KMT2B: variants seen among roughly 807,000 people sequenced by gnomAD.
The protein encoded by KMT2B is lysine methyltransferase 2B, also known as histone-lysine N-methyltransferase 2B.
A neutral mutation model predicts 255.3 loss-of-function variants in KMT2B; 22 were observed. That is an observed-to-expected ratio of 0.09 (90% CI 0.06 to 0.12). The LOEUF is 0.12. Among genes scored for constraint, KMT2B ranks in the 10% least tolerant of loss-of-function variants. KMT2B has a pLI of 1.00. For missense variants in KMT2B, 3,149 were observed against 3,737.0 expected (o/e 0.84, Z 4.10); for synonymous variants, 1,730 against 1,498.1 (o/e 1.15, Z -3.57).
Position 35,721,104 on chromosome 19 carries a change from C to G in KMT2B, c.1757C>G (p.Ala586Gly). 1 of 1,610,616 alleles carries G rather than the reference C, an allele frequency of 6.2e-7. No individual in the cohort carries two copies. Among genetic ancestry groups the G allele is most frequent in the South Asian group, 1.1e-5 (1 of 90,402 alleles). ...GCACCAGTCCCCTCTCCACCACGTG[C>G]CCCAACTCCTCCATCTACCCCAGTT... ...EPAPVPSPPR[A>G]PTPPSTPVPL... The change falls in exon 3 of 37, where the codon GCC (alanine) becomes GGC (glycine). Residue 586 changes from alanine (A) to glycine (G), a missense_variant. Around this residue, in one of 18 missense-constraint regions of KMT2B, gnomAD observed 1,188 missense variants for 1,106.4 expected, o/e 1.07. Coordinates refer to ENST00000420124, the MANE Select transcript of KMT2B (RefSeq NM_014727.3).
At position 35,727,323 on chromosome 19, in the gene KMT2B, C is replaced by G; in HGVS notation, c.4117+54C>G. On this transcript the variant is annotated intron_variant, in intron 15 of 36. Transcript: ENST00000420124. The surrounding 1 kb of genome is among the most constrained non-coding windows in gnomAD (Gnocchi z 4.2). ...CCTCAACCCTGTGGGGACCCCTGCC[C>G]CCACCACAGGCCCCAAGAGGACTGG... 6.4e-7 allele frequency: 1 copy of G among 1,574,022 alleles called. No homozygotes were observed. The highest frequency in any genetic ancestry group is 1.7e-5 in the Admixed American group (1 of 59,870).
Position 35,728,796 on chromosome 19 carries a change from T to G in KMT2B, c.4594T>G (p.Leu1532Val). 1 of 1,613,882 alleles carries G rather than the reference T, an allele frequency of 6.2e-7. No homozygotes were observed. Among genetic ancestry groups the G allele is most frequent in the Non-Finnish European group, 8.5e-7 (1 of 1,179,826 alleles). ...LPNGVLPNAV[L>V]PPSLDHVYAQ... ...CAGCGGAGTCCTTCCCAATGCGGTG[T>G]TGCCCCCATCCCTGGATCATGTCTA... is the stretch of plus-strand genomic sequence containing the variant. The change falls in exon 20 of 37, where the codon TTG (leucine) becomes GTG (valine). Residue 1532 changes from leucine (L) to valine (V), a missense_variant. By Grantham distance (32) the Leu-to-Val change is conservative. This residue lies in a region of KMT2B where 377 missense variants were observed against 471.0 expected (regional missense o/e 0.80). Coordinates refer to ENST00000420124, the MANE Select transcript of KMT2B (RefSeq NM_014727.3).
intron 2 of KMT2B, 87 bp downstream of exon 2, chr19:35,719,628 C>T (rs930436543): frequency 7.3e-6 from 11 of 1,502,578 alleles, no homozygotes; most frequent in African/African-American, 1.4e-5. Flanking sequence ...CAACTAGCCT[C>T]TGTCAGTTGC....
intron 8 of KMT2B, among the ~76,000 whole-genome samples, chr19:35,724,398 T>G (rs538234879): frequency 6.6e-6 from 1 of 152,266 alleles, no homozygotes; most frequent in South Asian, 2.1e-4. Context: ...CTCAGGAGGC[T>G]GAGGCAGGAG....
Position 35,738,467 on chromosome 19 carries a change from C to T in KMT2B, c.8058C>T (p.Leu2686=), listed in dbSNP as rs1028185815. The part of the protein sequence containing the change: ...ALRRILRGEE[L]TYDYKFPIED... ...GCCGCATCCTGCGTGGTGAGGAGCT[C>T]ACCTACGACTACAAGTTCCCCATCG... The change falls in exon 37 of 37, where the codon CTC becomes CTT. Residue 2686 remains leucine, a synonymous_variant. Coordinates refer to ENST00000420124, the MANE Select transcript of KMT2B (RefSeq NM_014727.3). The surrounding 1 kb of genome is among the most constrained non-coding windows in gnomAD (Gnocchi z 8.7). 13 of 1,613,988 alleles carry T rather than the reference C, an allele frequency of 8.1e-6. No homozygotes were observed. Among genetic ancestry groups the T allele is most frequent in the Non-Finnish European group, 1.1e-5 (13 of 1,179,974 alleles).
rs1350741397 is a variant in KMT2B, at chr19:35,721,375, C to A, written c.2028C>A (p.Ala676=). ...LTPPPLGAPE[A]PEPEPPPADD... is the part of the protein sequence containing the mutation. ...CTCCTCCTCTTGGGGCTCCTGAAGC[C>A]CCTGAGCCAGAGCCTCCTCCTGCCG... The change falls in exon 3 of 37, where the codon GCC becomes GCA. Residue 676 remains alanine (A), a synonymous_variant. Transcript: ENST00000420124. The A allele has an allele frequency of 6.2e-7, 1 of 1,601,662 alleles. No individual in the cohort carries two copies. The highest frequency in any genetic ancestry group is 8.5e-7 in the Non-Finnish European group (1 of 1,175,240).
chr19:35,730,491 C>T (rs982956457), intron 24 of KMT2B, 29 bp downstream of exon 24: 2 of 1,613,900 alleles, frequency 1.2e-6, no homozygotes, highest in Admixed American at 1.7e-5. Context: ...GCCCTGTCCT[C>T]CTACCCTGTC....
Position 35,731,910 on chromosome 19 carries a change from C to T in KMT2B, c.5440C>T (p.Pro1814Ser), listed in dbSNP as rs2146465923. The change falls in exon 27 of 37, where the codon CCC becomes TCC. Residue 1814 changes from proline (P) to serine (S), a missense_variant and splice_region_variant. By Grantham distance (74) the Pro-to-Ser change is moderately conservative. Coordinates refer to ENST00000420124, the MANE Select transcript of KMT2B (RefSeq NM_014727.3). ...IVHSPAPSSE[P>S]PGGEDPPLDT... ...AATGCCATTTCTCGCCTCTTCAGAGCCCCCAGGTGGTGAGGACCCCCCACT... is the reference window on the plus strand; with the variant it reads ...AATGCCATTTCTCGCCTCTTCAGAGTCCCCAGGTGGTGAGGACCCCCCACT... 3 of 1,610,402 alleles carry T rather than the reference C, an allele frequency of 1.9e-6. No individual in the cohort carries two copies. The highest frequency in any genetic ancestry group is 2.5e-6 in the Non-Finnish European group (3 of 1,176,854).
In KMT2B at chr19:35,732,714, C is replaced by G. The variant is rs759251601; in HGVS notation, c.6165C>G (p.Ala2055=). 26 of 1,609,746 alleles carry G rather than the reference C, an allele frequency of 1.6e-5. No homozygotes were observed. Among genetic ancestry groups the G allele is most frequent in the African/African-American group, 6.7e-5 (5 of 74,856 alleles). The change falls in exon 28 of 37, where the codon GCC becomes GCG. Residue 2055 remains alanine (A), a synonymous_variant. Transcript: ENST00000420124. ...TGGCCCCCAGCGCTACCCCTGGAGC[C>G]CCCCGCATTGAACAGCTGGACGGCG... is the stretch of plus-strand genomic sequence containing the variant. ...PGLAPSATPG[A]PRIEQLDGVD...
Position 35,721,189 on chromosome 19 carries a change from G to C in KMT2B, c.1842G>C (p.Leu614=), listed in dbSNP as rs1382223088. ...AACCCACATTTCGCTGGACCTCACTGACCCGGGAGCTGCCCCCTCCTCCCC... is the reference window on the plus strand; with the variant it reads ...AACCCACATTTCGCTGGACCTCACTCACCCGGGAGCTGCCCCCTCCTCCCC... ...LREPTFRWTS[L]TRELPPPPPA... The change falls in exon 3 of 37, where the codon CTG becomes CTC. Residue 614 remains leucine (L), a synonymous_variant. Coordinates refer to ENST00000420124, the MANE Select transcript of KMT2B (RefSeq NM_014727.3). 3.9e-6 allele frequency: 6 copies of C among 1,547,792 alleles called. No individual in the cohort carries two copies.
chr19:35,718,317 G>T lies in KMT2B; in HGVS notation c.299G>T (p.Gly100Val), dbSNP rs768646854. The change falls in exon 1 of 37, where the codon GGC becomes GTC. Residue 100 changes from glycine (G) to valine (V), a missense_variant. Coordinates refer to ENST00000420124, the MANE Select transcript of KMT2B (RefSeq NM_014727.3). This position sits in a 1 kb window ranked among gnomAD's most constrained non-coding sequence, Gnocchi z 5.0. ...GGCCGGGGACGGGGTCGGGGCCGGGGCTGGGGCCCGAGTCGAGGCTGCGTG... is the reference window on the plus strand; with the variant it reads ...GGCCGGGGACGGGGTCGGGGCCGGGTCTGGGGCCCGAGTCGAGGCTGCGTG... ...QRGRGRGRGR[G>V]WGPSRGCVPE... The T allele has an allele frequency of 5.6e-6, 7 of 1,244,754 alleles. No homozygotes were observed. The highest frequency in any genetic ancestry group is 1.6e-5 in the African/African-American group (1 of 64,492). The allele number at this position is 1,244,754 out of a possible 1,614,324, so 77.1% of individuals were successfully genotyped here.
At chr19:35,724,945 C>T (rs759981192) in intron 9 of KMT2B, 44 bp from the exon 10 acceptor site, 10 of 1,407,824 alleles carry the variant, frequency 7.1e-6, no homozygotes, top group African/African-American at 2.8e-5. Context: ...GTCTGCATCA[C>T]GGCCAGGCTG....
chr19:35,735,904 T>C (rs571912422), intron 30 of KMT2B: 1 of 152,332 alleles, frequency 6.6e-6, no homozygotes, highest in South Asian at 2.1e-4. Flanking sequence ...CTATTAACCC[T>C]CGAGAAATCC....
Position 35,718,420 on chromosome 19 carries a change from G to T in KMT2B, c.363+39G>T, listed in dbSNP as rs1308878466. 2.4e-6 allele frequency: 3 copies of T among 1,235,752 alleles called. No homozygotes were observed. Among genetic ancestry groups the T allele is most frequent in the Non-Finnish European group, 3.1e-6 (3 of 980,142 alleles). The allele number at this position is 1,235,752 out of a possible 1,614,324, so 76.5% of individuals were successfully genotyped here. On this transcript the variant is annotated intron_variant, in intron 1 of 36. Coordinates refer to ENST00000420124, the MANE Select transcript of KMT2B (RefSeq NM_014727.3). This position sits in a 1 kb window ranked among gnomAD's most constrained non-coding sequence, Gnocchi z 5.0. ...AGGCGTCCCCGGCGCCGGGTGGGGC[G>T]GAGGCCGGGGCTTCCAGGGGTCTGG...
Position 35,733,636 on chromosome 19 carries a change from G to A in KMT2B, c.6999G>A (p.Gly2333=), listed in dbSNP as rs997254408. The part of the protein sequence containing the change: ...RVRMKTPTVR[G]VLDLDRPGEP... Reference sequence around the variant, plus strand: ...GGATGAAAACCCCCACAGTGCGTGGGGTCCTTGACCTGGATCGGCCTGGGG... The same window carrying A: ...GGATGAAAACCCCCACAGTGCGTGGAGTCCTTGACCTGGATCGGCCTGGGG... Residue 2333 remains glycine, a synonymous_variant, in exon 29 of 37, where the codon GGG becomes GGA. Transcript: ENST00000420124. The surrounding 1 kb of genome is among the most constrained non-coding windows in gnomAD (Gnocchi z 4.3). 1 of 1,596,674 alleles carries A rather than the reference G, an allele frequency of 6.3e-7. No individual in the cohort carries two copies.
rs747562365 is a variant in KMT2B at position 35,731,942 on chromosome 19, A to C, written c.5472A>C (p.Thr1824=). 6 of 1,613,754 alleles carry C rather than the reference A, an allele frequency of 3.7e-6. No individual in the cohort carries two copies. The highest frequency in any genetic ancestry group is 2.2e-5 in the South Asian group (2 of 91,072). ...GTGGTGAGGACCCCCCACTGGACAC[A>C]GATGTTCTTGTCCCTGGAGCTCCTG... is the stretch of plus-strand genomic sequence containing the variant. ...PPGGEDPPLD[T]DVLVPGAPER... The change falls in exon 27 of 37, where the codon ACA becomes ACC. Residue 1824 remains threonine (T), a synonymous_variant. Coordinates refer to ENST00000420124, the MANE Select transcript of KMT2B (RefSeq NM_014727.3).
chr19:35,723,024 G>A lies in KMT2B; in HGVS notation c.2752G>A (p.Val918Ile), dbSNP rs763722608. 6.2e-7 allele frequency: 1 copy of A among 1,609,860 alleles called. No individual in the cohort carries two copies. The highest frequency in any genetic ancestry group is 8.5e-7 in the Non-Finnish European group (1 of 1,177,570). Residue 918 changes from valine to isoleucine, a missense_variant, in exon 6 of 37, where the codon GTC (valine) becomes ATC (isoleucine). Around this residue, in one of 18 missense-constraint regions of KMT2B, gnomAD observed 132 missense variants for 174.7 expected, o/e 0.76. Coordinates refer to ENST00000420124, the MANE Select transcript of KMT2B (RefSeq NM_014727.3). The surrounding 1 kb of genome is among the most constrained non-coding windows in gnomAD (Gnocchi z 7.5). ...ATCATCGGCGTCCGAGACTGAGAGT[G>A]TCCCGTCACGGTCCCGGCGGGGAAA... ...DTSSASETES[V>I]PSRSRRGKVE...
At position 35,721,482 on chromosome 19, in the gene KMT2B, C is replaced by T. The variant is rs758754909; in HGVS notation, c.2135C>T (p.Thr712Ile). 7 of 1,612,768 alleles carry T rather than the reference C, an allele frequency of 4.3e-6. No homozygotes were observed. Among genetic ancestry groups the T allele is most frequent in the Admixed American group, 1.7e-5 (1 of 60,018 alleles). The change falls in exon 3 of 37, where the codon ACC becomes ATC. Residue 712 changes from threonine (T) to isoleucine (I), a missense_variant. Physicochemically the swap from Thr to Ile is moderately conservative, Grantham distance 89. Coordinates refer to ENST00000420124, the MANE Select transcript of KMT2B (RefSeq NM_014727.3). ...CTGCCTCGATTCGCCCCTGTGGTCA[C>T]CACTCCTGTTAAGGCCGAGGTGTCC... The part of the protein sequence containing the change: ...LSLPRFAPVV[T>I]TPVKAEVSPH...
rs1193617786 is a variant in KMT2B, at chr19:35,721,365, C to T, written c.2018C>T (p.Ala673Val). Residue 673 changes from alanine (A) to valine (V), a missense_variant, in exon 3 of 37, where the codon GCT (alanine) becomes GTT (valine). Coordinates refer to ENST00000420124, the MANE Select transcript of KMT2B (RefSeq NM_014727.3). Reference protein sequence around the residue: ...ESVLTPPPLGAPEAPEPEPPP... With the variant: ...ESVLTPPPLGVPEAPEPEPPP... ...GTGCTTACTCCTCCTCCTCTTGGGG[C>T]TCCTGAAGCCCCTGAGCCAGAGCCT... 2 of 1,594,808 alleles carry T rather than the reference C, an allele frequency of 1.3e-6. No individual in the cohort carries two copies. The highest frequency in any genetic ancestry group is 8.5e-7 in the Non-Finnish European group (1 of 1,171,874).
Sources: gnomAD v4.1 joint callset for allele counts (sites outside exome capture counted in the v4.1 genomes callset) on GRCh38, gnomAD v4.1.1 for gene constraint, gnomAD v4.1.1 regional missense constraint, Gnocchi (gnomAD v3.1) non-coding constraint, MANE v1.5 for transcripts, NCBI Gene and HGNC (gene_info 2026-07-23, HGNC 2026-07-21) for gene names.